Variants in RGS6 observed in about 807,000 individuals in gnomAD.
The protein encoded by RGS6 is regulator of G-protein signaling 6.
RGS6 carries 30 observed loss-of-function variants against 78.5 expected under a neutral mutation model. The ratio of observed to expected loss-of-function variants is 0.38; its 90% CI spans 0.29 to 0.52. RGS6 has a LOEUF of 0.52. Among genes scored for constraint, RGS6 ranks in the 20% least tolerant of loss-of-function variants. The probability of loss-of-function intolerance (pLI) is 0.85; values close to 1 mark genes in which losing one functional copy is unlikely to be tolerated. For missense variants in RGS6, 495 were observed against 609.7 expected (o/e 0.81, Z 1.98); for synonymous variants, 206 against 206.0 (o/e 1.00, Z 0.00).
At chr14:71,898,627 C>T in the RGS6 span, among the ~76,000 whole-genome samples, 20 of 152,276 alleles carry the variant, frequency 1.3e-4, no homozygotes, top group African/African-American at 3.1e-4. Context: ...TTTTAAGCCC[C>T]GCATGCGTTA....
chr14:72,365,529 G>A (rs2082297174), intron 3 of RGS6, among the ~76,000 whole-genome samples: 1 of 152,174 alleles, frequency 6.6e-6, no homozygotes, highest in South Asian at 2.1e-4. Flanking sequence ...TGACACAAGA[G>A]ATGGTAGGCA....
chr14:71,955,020 T>G (rs2092678064), intron 1 of RGS6, among the ~76,000 whole-genome samples: 1 of 152,182 alleles, frequency 6.6e-6, no homozygotes, highest in Non-Finnish European at 1.5e-5. Flanking sequence ...TCATAGGAAC[T>G]GAGGTAGGTA....
At chr14:72,343,692 C>T (rs2077455478) in intron 2 of RGS6, among the ~76,000 whole-genome samples, 1 of 152,192 alleles carries the variant, frequency 6.6e-6, no homozygotes, top group Admixed American at 6.5e-5. Flanking sequence ...ACCCTGGCAG[C>T]TGCCCTGGCC....
chr14:71,875,104 CT>C, the RGS6 span, among the ~76,000 whole-genome samples: 1 of 151,920 alleles, frequency 6.6e-6, no homozygotes, highest in African/African-American at 2.4e-5. Context: ...CTAAAATTCT[CT>C]TTTTTTTGTT....
chr14:72,394,955 A>G (rs2090855208), intron 3 of RGS6, among the ~76,000 whole-genome samples: 2 of 152,186 alleles, frequency 1.3e-5, no homozygotes, highest in African/African-American at 4.8e-5. Context: ...CGTCCATGAA[A>G]TCTTCACAAT....
At chr14:72,144,342 A>T (rs1381496741) in intron 2 of RGS6, among the ~76,000 whole-genome samples, 1 of 152,190 alleles carries the variant, frequency 6.6e-6, no homozygotes, top group Non-Finnish European at 1.5e-5. Context: ...CCTAAAGGAA[A>T]AGTTTGCAAA....
At chr14:72,241,099 G>A (rs2052668609) in intron 2 of RGS6, among the ~76,000 whole-genome samples, 1 of 149,764 alleles carries the variant, frequency 6.7e-6, no homozygotes, top group African/African-American at 2.5e-5. Context: ...AGAGGCTGCA[G>A]TGAGCTGAGA....
chr14:72,024,597 C>T (rs2089454790), intron 2 of RGS6, among the ~76,000 whole-genome samples: 1 of 152,184 alleles, frequency 6.6e-6, no homozygotes. Context: ...GTATTTTAAG[C>T]AGCTACCTGA....
intron 2 of RGS6, among the ~76,000 whole-genome samples, chr14:71,982,695 A>G (rs766338394): frequency 2.6e-5 from 4 of 152,252 alleles, no homozygotes; most frequent in Admixed American, 6.5e-5. Flanking sequence ...GAAATTGACA[A>G]TGCTCTTGAG....
At chr14:72,420,469 A>G (rs2094113580) in intron 3 of RGS6, among the ~76,000 whole-genome samples, 3 of 152,142 alleles carry the variant, frequency 2.0e-5, no homozygotes, top group Non-Finnish European at 2.9e-5. Flanking sequence ...ACCAGTCATC[A>G]TTGCTGCATA....
At chr14:72,041,014 C>T (rs1372333037) in intron 2 of RGS6, among the ~76,000 whole-genome samples, 1 of 152,122 alleles carries the variant, frequency 6.6e-6, no homozygotes, top group Admixed American at 6.5e-5. Flanking sequence ...ACCCAGTTAA[C>T]TCTTTAAACT....
At chr14:72,025,469 C>T (rs1265726774) in intron 2 of RGS6, among the ~76,000 whole-genome samples, 4 of 152,000 alleles carry the variant, frequency 2.6e-5, no homozygotes, top group African/African-American at 9.7e-5. Flanking sequence ...TTGGGAATAT[C>T]AGGAGTGATT....
intron 2 of RGS6, among the ~76,000 whole-genome samples, chr14:71,965,452 T>C (rs2093452472): frequency 6.6e-6 from 1 of 152,196 alleles, no homozygotes. Context: ...ATGTGCAGGA[T>C]TGCTTTATGT....
intron 2 of RGS6, among the ~76,000 whole-genome samples, chr14:72,167,494 T>C (rs1206394699): frequency 1.3e-5 from 2 of 152,342 alleles, no homozygotes; most frequent in East Asian, 3.9e-4. Flanking sequence ...GATGGGATCT[T>C]TGGAGACCAT....
chr14:72,306,598 C>T (rs2067295919), intron 2 of RGS6, among the ~76,000 whole-genome samples: 1 of 152,148 alleles, frequency 6.6e-6, no homozygotes, highest in African/African-American at 2.4e-5. Context: ...CAATTGATTC[C>T]AACCTTCATG....
the RGS6 span, among the ~76,000 whole-genome samples, chr14:71,905,687 A>G: frequency 1.3e-5 from 2 of 152,126 alleles, no homozygotes; most frequent in Admixed American, 6.5e-5. Context: ...ACAGGGTTTC[A>G]CCATGTTGCC....
At chr14:72,052,040 G>A (rs892479558) in intron 2 of RGS6, among the ~76,000 whole-genome samples, 17 of 152,204 alleles carry the variant, frequency 1.1e-4, no homozygotes, top group African/African-American at 4.1e-4. Flanking sequence ...ACGTCAGGTG[G>A]GACAGTGAAT....
At chr14:72,436,264 GT>G (rs72304603) in intron 3 of RGS6, among the ~76,000 whole-genome samples, 117 of 146,762 alleles carry the variant, frequency 8.0e-4, no homozygotes, top group South Asian at 2.2e-3. Context: ...CATCTTATTT[GT>G]TTTTTTTTTT....
At position 72,081,135 on chromosome 14, in the gene RGS6, C is replaced by T. The variant is rs576389692; in HGVS notation, c.84+116260C>T. Among the ~76,000 whole-genome samples, 91 of 152,184 alleles carry T rather than the reference C, an allele frequency of 6.0e-4. 2 individuals are homozygous for T. Among genetic ancestry groups the T allele is most frequent in the Non-Finnish European group, 3.7e-4 (25 of 67,944 alleles). On this transcript the variant is annotated intron_variant, in intron 2 of 17. Coordinates refer to ENST00000553525, the MANE Select transcript of RGS6 (RefSeq NM_001204424.2). ...GACATTTTACCAATGTTAATTATTC[C>T]AGTCCATGAGTACAGGATATCTTTC...
Sources: gnomAD v4.1 joint callset for allele counts (sites outside exome capture counted in the v4.1 genomes callset) on GRCh38, gnomAD v4.1.1 for gene constraint, MANE v1.5 for transcripts, NCBI Gene and HGNC (gene_info 2026-07-23, HGNC 2026-07-21) for gene names.